ADGRF1: variants seen among roughly 807,000 people sequenced by gnomAD.
ADGRF1 encodes the protein G protein-coupled receptor 110.
A neutral mutation model predicts 87.2 loss-of-function variants in ADGRF1; 85 were observed. The ratio of observed to expected loss-of-function variants is 0.97; its 90% CI spans 0.82 to 1.17. The LOEUF is 1.17. Among genes scored for constraint, ADGRF1 ranks in the 50% most tolerant of loss-of-function variants. The probability of loss-of-function intolerance (pLI) is 0.00; values close to 1 mark genes in which losing one functional copy is unlikely to be tolerated. For synonymous variants in ADGRF1, 430 were observed against 408.8 expected, an observed-to-expected ratio of 1.05 and a Z score of -0.63; for missense variants, 1,169 against 1,077.2, an observed-to-expected ratio of 1.09 and a Z score of -1.19.
chr6:47,024,879 C>T lies in ADGRF1; in HGVS notation c.278-662G>A, dbSNP rs571151998. On this transcript the variant is annotated intron_variant, in intron 4 of 14. Transcript: ENST00000371253. Reference sequence around the variant, plus strand: ...GCATGCAAAAGAAGGATGTATACCCCATACATAGCCACTGCAATGGAAGAG... The same window carrying T: ...GCATGCAAAAGAAGGATGTATACCCTATACATAGCCACTGCAATGGAAGAG... Among the ~76,000 whole-genome samples, 7 of 152,270 alleles carry T rather than the reference C, an allele frequency of 4.6e-5. No homozygotes were observed. In the South Asian group the frequency reaches 8.3e-4, roughly 18 times the overall value.
intron 4 of ADGRF1, among the ~76,000 whole-genome samples, chr6:47,024,768 G>A (rs1267029018): frequency 1.3e-5 from 2 of 152,230 alleles, no homozygotes; most frequent in Non-Finnish European, 2.9e-5. Flanking sequence ...CAGCAATATA[G>A]TCAAGGTAAG....
At chr6:47,016,888 T>C in intron 7 of ADGRF1, 120 bp from the exon 8 acceptor site, 5 of 1,335,112 alleles carry the variant, frequency 3.7e-6, no homozygotes, top group Non-Finnish European at 4.8e-6. Context: ...GAGCTTACAT[T>C]CTAGTGGATA....
At chr6:47,020,483 G>T in intron 7 of ADGRF1, 2 of 1,454,426 alleles carry the variant, frequency 1.4e-6, no homozygotes, top group South Asian at 1.3e-5. Context: ...CAACTTGGGC[G>T]ACAAGAGTGA....
chr6:47,029,374 C>T (rs6941183), intron 1 of ADGRF1, among the ~76,000 whole-genome samples: 41,296 of 150,934 alleles, frequency 0.27, 5,642 homozygotes, highest in South Asian at 0.37. Flanking sequence ...TTTTTTTAAT[C>T]GTGACTTGCT....
chr6:47,014,553 C>T (rs183632719), intron 9 of ADGRF1, 128 bp downstream of exon 9: 136 of 1,477,444 alleles, frequency 9.2e-5, no homozygotes, highest in Admixed American at 3.6e-4. Flanking sequence ...CTGATGTCAT[C>T]CTTGCTCTTT....
Position 47,020,623 on chromosome 6 carries a change from G to A in ADGRF1, c.611+108C>T. ...TTAGTAAAAATCCTACTATAAAGAT[G>A]ACTTCTGTCCTGTTTTCTGTCAGGG... is the stretch of plus-strand genomic sequence containing the variant. On this transcript the variant is annotated intron_variant, in intron 7 of 14. Coordinates refer to ENST00000371253, the MANE Select transcript of ADGRF1 (RefSeq NM_153840.4). 2.6e-6 allele frequency: 4 copies of A among 1,563,576 alleles called. 1 individual carries two copies. Among genetic ancestry groups the A allele is most frequent in the South Asian group, 1.2e-5 (1 of 84,574 alleles).
At chr6:47,018,317 T>C in intron 7 of ADGRF1, 1 of 1,099,784 alleles carries the variant, frequency 9.1e-7, no homozygotes, top group Non-Finnish European at 1.2e-6. Context: ...TCATTCCCAT[T>C]TTATAGATAA....
chr6:47,012,680 G>A (rs1779744231), intron 9 of ADGRF1: 12 of 985,844 alleles, frequency 1.2e-5, no homozygotes, highest in Non-Finnish European at 1.3e-5. Context: ...ACGCTACACT[G>A]AGAATGCGTT....
chr6:47,008,956 T>G lies in ADGRF1; in HGVS notation c.2479A>C (p.Asn827His), dbSNP rs1561866275. The G allele has an allele frequency of 2.5e-6, 4 of 1,597,296 alleles. No homozygotes were observed. The highest frequency in any genetic ancestry group is 2.6e-6 in the Non-Finnish European group (3 of 1,169,122). ...GTTACTGTTCTCACCTGGAATGCAT[T>G]GAGTAAAGCAAAAATAACATGCCAA... ...LAWHVIFALLNAFQGFFILCF... is the reference protein window; with the variant it reads ...LAWHVIFALLHAFQGFFILCF... Residue 827 changes from asparagine (N) to histidine (H), a missense_variant, in exon 11 of 15, where the codon AAT becomes CAT. Transcript: ENST00000371253.
chr6:47,023,908 TA>T, intron 5 of ADGRF1, 135 bp downstream of exon 5: 2 of 749,462 alleles, frequency 2.7e-6, no homozygotes, highest in Non-Finnish European at 2.1e-6. Context: ...CAGACAGGCC[TA>T]ACATGATGTA....
At chr6:47,008,655 C>T (rs1001977131) in intron 11 of ADGRF1, among the ~76,000 whole-genome samples, 2 of 152,140 alleles carry the variant, frequency 1.3e-5, no homozygotes, top group Non-Finnish European at 2.9e-5. Flanking sequence ...CAGAGTTCTG[C>T]CTAAGAGAAA....
In ADGRF1 at chr6:47,000,297, T is replaced by C; in HGVS notation, c.2660-2A>G. ...CAGTATGAGAAAATGCATAATGGCCTGAAGGGGAAAAAAAAAGGAAATAAT... is the reference window on the plus strand; with the variant it reads ...CAGTATGAGAAAATGCATAATGGCCCGAAGGGGAAAAAAAAAGGAAATAAT... On this transcript the variant is annotated splice_acceptor_variant, in intron 14 of 14. Transcript: ENST00000371253. LOFTEE classifies it high-confidence loss of function. The C allele has an allele frequency of 6.3e-7, 1 of 1,585,544 alleles. No homozygotes were observed.
chr6:47,005,230 A>C (rs1779488126), intron 13 of ADGRF1, among the ~76,000 whole-genome samples: 1 of 152,204 alleles, frequency 6.6e-6, no homozygotes, highest in East Asian at 1.9e-4. Flanking sequence ...TATGGATTAT[A>C]CTTTTATGGC....
chr6:47,010,214 T>C lies in ADGRF1; in HGVS notation c.1221A>G (p.Thr407=), dbSNP rs761878882. The C allele has an allele frequency of 8.1e-6, 13 of 1,613,966 alleles. No homozygotes were observed. Among genetic ancestry groups the C allele is most frequent in the African/African-American group, 2.7e-5 (2 of 74,950 alleles). ...EKYASSRLLE[T]LENISTLVPP... The stretch of plus-strand genomic sequence containing the variant: ...GCACCAGAGTGCTGATGTTTTCTAA[T>C]GTCTCTAGTAACCGTGAGCTGGCAT... The change falls in exon 11 of 15, where the codon ACA becomes ACG. Residue 407 remains threonine (T), a synonymous_variant. Coordinates refer to ENST00000371253, the MANE Select transcript of ADGRF1 (RefSeq NM_153840.4).
chr6:47,037,378 T>C (rs1780616464), intron 1 of ADGRF1, among the ~76,000 whole-genome samples: 3 of 152,266 alleles, frequency 2.0e-5, no homozygotes, highest in Non-Finnish European at 4.4e-5. Context: ...GCTCCTGTTA[T>C]AGGTATTTGC....
intron 1 of ADGRF1, among the ~76,000 whole-genome samples, chr6:47,032,257 C>T (rs995371395): frequency 1.4e-4 from 21 of 152,288 alleles, no homozygotes; most frequent in African/African-American, 4.6e-4. Context: ...GGATTTGAAA[C>T]CAAAGCTCAA....
chr6:47,011,652 G>A (rs751376422), intron 10 of ADGRF1, among the ~76,000 whole-genome samples: 2 of 152,138 alleles, frequency 1.3e-5, no homozygotes, highest in African/African-American at 2.4e-5. Flanking sequence ...TGTTATGAAG[G>A]GAGTTCTTAA....
At chr6:47,001,180 C>T (rs549168678) in intron 14 of ADGRF1, among the ~76,000 whole-genome samples, 29 of 152,328 alleles carry the variant, frequency 1.9e-4, no homozygotes, top group African/African-American at 6.0e-4. Context: ...GGACATAAAT[C>T]GTGTTAGTCT....
chr6:47,014,676 CTCACCTTGT>C lies in ADGRF1; in HGVS notation c.923_927+4del, dbSNP rs866281260. ...GGGCAAGTCTACACAGTGAAAATGC[CTCACCTTGT>C]TCAGTTCTTCAAGCAGAGAGAGCAC... On this transcript the variant is annotated splice_donor_variant and splice_donor_region_variant and coding_sequence_variant and intron_variant, in exon 9 of 15. Coordinates refer to ENST00000371253, the MANE Select transcript of ADGRF1 (RefSeq NM_153840.4). LOFTEE classifies it high-confidence loss of function. 1 of 1,612,396 alleles carries C rather than the reference CTCACCTTGT, an allele frequency of 6.2e-7. No homozygotes were observed. Among genetic ancestry groups the C allele is most frequent in the African/African-American group, 1.3e-5 (1 of 74,854 alleles).
Sources: gnomAD v4.1 joint callset for allele counts (sites outside exome capture counted in the v4.1 genomes callset) on GRCh38, gnomAD v4.1.1 for gene constraint, MANE v1.5 for transcripts, NCBI Gene and HGNC (gene_info 2026-07-23, HGNC 2026-07-21) for gene names.